The following SYT16 variants were observed in gnomAD, a reference collection of about 807,000 sequenced individuals.
SYT16 encodes the protein synaptotagmin-16.
Under a neutral mutation model 61.4 loss-of-function variants are expected in SYT16, and 42 were observed. The ratio of observed to expected loss-of-function variants is 0.68; its 90% confidence interval spans 0.53 to 0.89. SYT16 has a LOEUF of 0.89. Ranked by LOEUF, SYT16 falls within the 40% of genes least tolerant of loss-of-function variation. SYT16 has a pLI of 0.00. For missense variants in SYT16, 804 were observed against 807.3 expected, an observed-to-expected ratio of 1.00 and a Z score of 0.05; for synonymous variants, 314 against 302.3, an observed-to-expected ratio of 1.04 and a Z score of -0.40.
Position 62,081,077 on chromosome 14 carries a change from G to A in SYT16, c.1237G>A (p.Val413Ile), listed in dbSNP as rs773454309. Residue 413 changes from valine to isoleucine, a missense_variant, in exon 6 of 8, where the codon GTC (valine) becomes ATC (isoleucine). Physicochemically the swap from Val to Ile is conservative, Grantham distance 29 (BLOSUM62 3). Coordinates refer to ENST00000683842, the MANE Select transcript of SYT16 (RefSeq NM_001367656.1). ...GAACATACAGAGAGGGCCCAACCCC[G>A]TCTTCAGGGAGAAGGTCACCTTTGC... is the stretch of plus-strand genomic sequence containing the variant. The part of the protein sequence containing the change: ...RTNIQRGPNP[V>I]FREKVTFAKL... 1.9e-5 allele frequency: 30 copies of A among 1,613,668 alleles called. No individual in the cohort carries two copies. Among genetic ancestry groups the A allele is most frequent in the African/African-American group, 6.7e-5 (5 of 74,914 alleles).
chr14:62,100,244 G>A (rs2057386386), intron 7 of SYT16, 150 bp from the exon 8 acceptor site: 1 of 658,728 alleles, frequency 1.5e-6, no homozygotes, highest in Non-Finnish European at 2.5e-6. Flanking sequence ...AAGATGTGTT[G>A]CCCAACAGCA....
At chr14:61,931,139 C>T (rs1304367979) in intron 1 of SYT16, among the ~76,000 whole-genome samples, 2 of 152,060 alleles carry the variant, frequency 1.3e-5, no homozygotes, top group Non-Finnish European at 2.9e-5. Flanking sequence ...GTCTTTAAGG[C>T]TTTCAGTGGC....
intron 1 of SYT16, among the ~76,000 whole-genome samples, chr14:61,875,801 C>G (rs1208390753): frequency 1.3e-5 from 2 of 152,204 alleles, no homozygotes; most frequent in African/African-American, 4.8e-5. Flanking sequence ...TATGGCATCT[C>G]TATTCCCAGA....
At chr14:61,843,008 A>G (rs973388991) in intron 1 of SYT16, among the ~76,000 whole-genome samples, 4 of 152,136 alleles carry the variant, frequency 2.6e-5, no homozygotes, top group African/African-American at 9.7e-5. Flanking sequence ...TTGCTTCCAA[A>G]TTGTGGATAT....
At chr14:61,931,713 G>A (rs1330055961) in intron 1 of SYT16, among the ~76,000 whole-genome samples, 1 of 151,894 alleles carries the variant, frequency 6.6e-6, no homozygotes, top group Non-Finnish European at 1.5e-5. Context: ...TATCTTTGCT[G>A]TATCCGTGTG....
At chr14:61,833,850 G>C (rs1594720354) in intron 1 of SYT16, among the ~76,000 whole-genome samples, 1 of 151,444 alleles carries the variant, frequency 6.6e-6, no homozygotes, top group East Asian at 1.9e-4. Context: ...AAGGTGCAGG[G>C]CTTTATTCCT....
At chr14:62,083,312 A>G (rs1017858402) in intron 6 of SYT16, among the ~76,000 whole-genome samples, 3 of 152,224 alleles carry the variant, frequency 2.0e-5, no homozygotes, top group Non-Finnish European at 2.9e-5. Flanking sequence ...GTTTAAGTCA[A>G]GTCTAATGCC....
At position 61,981,226 on chromosome 14, in the gene SYT16, A is replaced by G. The variant is rs149341291; in HGVS notation, c.-145+10915A>G. Among the ~76,000 whole-genome samples the G allele has an allele frequency of 3.2e-3, 481 of 152,314 alleles. 4 individuals are homozygous for G. The highest frequency in any genetic ancestry group is 0.011 in the African/African-American group (451 of 41,568). ...GGGCAATCTGCTTTGCATAGAGTACACTGATTTAATTATTAATCTCATCTA... is the reference window on the plus strand; with the variant it reads ...GGGCAATCTGCTTTGCATAGAGTACGCTGATTTAATTATTAATCTCATCTA... On this transcript the variant is annotated intron_variant, in intron 2 of 7. Coordinates refer to ENST00000683842, the MANE Select transcript of SYT16 (RefSeq NM_001367656.1).
At chr14:61,856,012 G>C (rs962165578) in intron 1 of SYT16, among the ~76,000 whole-genome samples, 3 of 152,234 alleles carry the variant, frequency 2.0e-5, no homozygotes, top group Non-Finnish European at 4.4e-5. Flanking sequence ...AAAAGGAGGA[G>C]CCAGGAGTGT....
At chr14:61,858,120 CAA>C (rs34781118) in intron 1 of SYT16, among the ~76,000 whole-genome samples, 8 of 43,224 alleles carry the variant, frequency 1.9e-4, no homozygotes, top group Admixed American at 7.3e-4. Context: ...CACAGCTTGG[CAA>C]AAAAAAAAAA....
intron 3 of SYT16, among the ~76,000 whole-genome samples, chr14:62,051,277 G>A (rs537992471): frequency 6.6e-6 from 1 of 152,238 alleles, no homozygotes; most frequent in South Asian, 2.1e-4. Flanking sequence ...AGCCATGTGC[G>A]GGATATAATC....
chr14:61,864,970 G>A, intron 1 of SYT16: 2 of 1,361,716 alleles, frequency 1.5e-6, no homozygotes, highest in Admixed American at 1.7e-5. Context: ...AAATTGCTGC[G>A]AGTCTGGGCC....
chr14:61,913,535 T>G (rs2049008999), intron 1 of SYT16, among the ~76,000 whole-genome samples: 1 of 152,216 alleles, frequency 6.6e-6, no homozygotes, highest in Admixed American at 6.5e-5. Flanking sequence ...TGATATGTGA[T>G]GTACAATTAT....
chr14:61,832,592 A>G (rs1395151680), intron 1 of SYT16, among the ~76,000 whole-genome samples: 3 of 152,038 alleles, frequency 2.0e-5, no homozygotes, highest in African/African-American at 7.2e-5. Flanking sequence ...ACCCGCCACC[A>G]TGCCTGGCTA....
At chr14:61,925,159 C>T (rs1299958053) in intron 1 of SYT16, among the ~76,000 whole-genome samples, 7 of 152,214 alleles carry the variant, frequency 4.6e-5, no homozygotes, top group African/African-American at 1.7e-4. Flanking sequence ...GGGGGGCAGT[C>T]TCTGGCACGG....
intron 1 of SYT16, among the ~76,000 whole-genome samples, chr14:61,901,762 A>ATT (rs2048525818): frequency 4.5e-4 from 62 of 138,828 alleles, no homozygotes; most frequent in African/African-American, 1.4e-3. Context: ...TAATAATAAT[A>ATT]ATTATTATTA....
At chr14:62,076,846 G>A (rs2056515218) in intron 5 of SYT16, among the ~76,000 whole-genome samples, 1 of 152,206 alleles carries the variant, frequency 6.6e-6, no homozygotes, top group African/African-American at 2.4e-5. Context: ...AGGCTTGGAA[G>A]TGACTTCTCC....
intron 3 of SYT16, among the ~76,000 whole-genome samples, chr14:62,015,797 C>T (rs7161184): frequency 0.44 from 66,618 of 152,010 alleles, 15,004 homozygotes; most frequent in East Asian, 0.71. Flanking sequence ...TTCTCAGCCT[C>T]CAAAACTGTG....
chr14:62,083,947 G>A (rs1045878354), intron 6 of SYT16, among the ~76,000 whole-genome samples: 1 of 152,124 alleles, frequency 6.6e-6, no homozygotes, highest in Non-Finnish European at 1.5e-5. Flanking sequence ...GTCTTTGTCC[G>A]TTTTGCCTTT....
Sources: allele counts gnomAD v4.1 joint callset (sites outside exome capture counted in the v4.1 genomes callset), GRCh38; gene constraint gnomAD v4.1.1; transcripts MANE v1.5; gene names NCBI Gene and HGNC (gene_info 2026-07-23, HGNC 2026-07-21).